The following FCHSD2 variants were observed in gnomAD, a reference collection of about 807,000 sequenced individuals.
FCHSD2 encodes the protein FCH and double SH3 domains 2.
A neutral mutation model predicts 108.1 loss-of-function variants in FCHSD2; 38 were observed. The observed-to-expected ratio is 0.35, with a 90% CI of 0.27 to 0.46. The LOEUF is 0.46. Ranked by LOEUF, FCHSD2 falls within the 20% of genes least tolerant of loss-of-function variation. FCHSD2 has a pLI of 1.00. For missense variants in FCHSD2, 751 were observed against 897.8 expected (o/e 0.84, Z 2.09); for synonymous variants, 279 against 314.7 (o/e 0.89, Z 1.20).
chr11:73,005,905 T>G (rs886709104), intron 4 of FCHSD2, among the ~76,000 whole-genome samples: 1 of 144,794 alleles, frequency 6.9e-6, no homozygotes, highest in Non-Finnish European at 1.5e-5. Flanking sequence ...TCCTAAACTT[T>G]TTTTTTTTTT....
chr11:72,937,819 G>A (rs183714081), intron 8 of FCHSD2, among the ~76,000 whole-genome samples: 2 of 152,186 alleles, frequency 1.3e-5, no homozygotes, highest in East Asian at 3.9e-4. Context: ...ACAAACATGA[G>A]GTTTAAAAAT....
intron 2 of FCHSD2, among the ~76,000 whole-genome samples, chr11:73,092,986 G>A (rs750333426): frequency 2.0e-5 from 3 of 152,172 alleles, no homozygotes; most frequent in Non-Finnish European, 4.4e-5. Flanking sequence ...AGGGGTGGGT[G>A]GGATGATGAG....
chr11:72,926,154 C>T (rs1215538933), intron 8 of FCHSD2, among the ~76,000 whole-genome samples: 3 of 152,132 alleles, frequency 2.0e-5, no homozygotes, highest in Non-Finnish European at 4.4e-5. Flanking sequence ...GGGTGGGTTC[C>T]CAGTAAGGCC....
At chr11:73,036,862 A>G (rs369215343) in intron 3 of FCHSD2, among the ~76,000 whole-genome samples, 16 of 152,210 alleles carry the variant, frequency 1.1e-4, no homozygotes, top group African/African-American at 3.6e-4. Context: ...TTTCTGTAAT[A>G]CACATATTCT....
Position 73,094,519 on chromosome 11 carries a change from T to C in FCHSD2, c.120-10779A>G, listed in dbSNP as rs542039410. On this transcript the variant is annotated intron_variant, in intron 2 of 19. Transcript: ENST00000409418. ...CAAAAACAGTCCAGTTGTCCATCAATGGGATCATGGATAAACAGTAACATA... is the reference window on the plus strand; with the variant it reads ...CAAAAACAGTCCAGTTGTCCATCAACGGGATCATGGATAAACAGTAACATA... 3.1e-3 allele frequency among the ~76,000 whole-genome samples: 467 copies of C among 152,316 alleles called. 1 individual carries two copies. The highest frequency in any genetic ancestry group is 0.011 in the African/African-American group (447 of 41,568).
At chr11:72,881,247 T>C (rs1855080815) in intron 12 of FCHSD2, among the ~76,000 whole-genome samples, 1 of 152,104 alleles carries the variant, frequency 6.6e-6, no homozygotes. Flanking sequence ...AAAGAAGACA[T>C]AATGGCCAAC....
At chr11:72,956,045 T>TGATA (rs1856704871) in intron 8 of FCHSD2, among the ~76,000 whole-genome samples, 1 of 152,062 alleles carries the variant, frequency 6.6e-6, no homozygotes, top group African/African-American at 2.4e-5. Context: ...AGAAAGTACA[T>TGATA]GATAAGCCTG....
intron 3 of FCHSD2, among the ~76,000 whole-genome samples, chr11:73,061,996 C>CT (rs1859177525): frequency 1.3e-5 from 2 of 152,130 alleles, no homozygotes; most frequent in African/African-American, 4.8e-5. Flanking sequence ...GGTCCCTGAC[C>CT]CCTGTTCCTC....
intron 2 of FCHSD2, among the ~76,000 whole-genome samples, chr11:73,102,303 G>A (rs563159377): frequency 1.1e-4 from 16 of 152,230 alleles, no homozygotes; most frequent in African/African-American, 3.9e-4. Context: ...GATAGACTCT[G>A]GGGAAATTTT....
At chr11:72,991,447 G>A (rs1478742129) in intron 5 of FCHSD2, among the ~76,000 whole-genome samples, 2 of 152,080 alleles carry the variant, frequency 1.3e-5, no homozygotes, top group South Asian at 2.1e-4. Context: ...GATGAACATC[G>A]ATGCAAAAAT....
intron 14 of FCHSD2, among the ~76,000 whole-genome samples, chr11:72,849,551 A>G (rs1861228923): frequency 6.6e-6 from 1 of 152,116 alleles, no homozygotes; most frequent in South Asian, 2.1e-4. Context: ...AGATTTGGGG[A>G]AAAAAAGAGT....
chr11:73,019,962 C>T (rs1479401736), intron 3 of FCHSD2, among the ~76,000 whole-genome samples: 1 of 152,132 alleles, frequency 6.6e-6, no homozygotes, highest in Non-Finnish European at 1.5e-5. Context: ...CACAGCACTA[C>T]TATCTAAAAT....
intron 8 of FCHSD2, among the ~76,000 whole-genome samples, chr11:72,951,853 G>A (rs1031814798): frequency 2.0e-5 from 3 of 152,096 alleles, no homozygotes; most frequent in African/African-American, 7.2e-5. Context: ...AGGAAATGAG[G>A]CTAGCGTTCA....
intron 8 of FCHSD2, among the ~76,000 whole-genome samples, chr11:72,958,867 C>G (rs1201668244): frequency 6.6e-6 from 1 of 152,184 alleles, no homozygotes. Context: ...AAAGGACATT[C>G]TAGTCTGCCA....
chr11:73,091,645 T>C (rs1431496775), intron 2 of FCHSD2, among the ~76,000 whole-genome samples: 1 of 152,240 alleles, frequency 6.6e-6, no homozygotes, highest in East Asian at 1.9e-4. Flanking sequence ...CTAAGTTTCT[T>C]AAAAGGACCA....
intron 13 of FCHSD2, among the ~76,000 whole-genome samples, chr11:72,857,232 TC>T (rs1330368778): frequency 6.6e-6 from 1 of 152,204 alleles, no homozygotes; most frequent in African/African-American, 2.4e-5. Flanking sequence ...CAGAATAATT[TC>T]TTCCTTTTTC....
intron 9 of FCHSD2, among the ~76,000 whole-genome samples, chr11:72,915,717 C>T (rs1855859115): frequency 2.6e-5 from 4 of 152,254 alleles, no homozygotes; most frequent in African/African-American, 9.6e-5. Flanking sequence ...ACTCGGGAGG[C>T]TGAGGCAGGA....
At chr11:72,911,670 C>CT (rs1210426134) in intron 9 of FCHSD2, among the ~76,000 whole-genome samples, 3 of 151,842 alleles carry the variant, frequency 2.0e-5, no homozygotes, top group Non-Finnish European at 4.4e-5. Context: ...TCCTTCCTTC[C>CT]TTTTTTATTT....
At chr11:73,118,700 T>C (rs1860661661) in intron 2 of FCHSD2, among the ~76,000 whole-genome samples, 1 of 152,200 alleles carries the variant, frequency 6.6e-6, no homozygotes, top group South Asian at 2.1e-4. Context: ...GATCAGAGAA[T>C]ATGATGATAC....
Sources: allele counts gnomAD v4.1 joint callset (sites outside exome capture counted in the v4.1 genomes callset), GRCh38; gene constraint gnomAD v4.1.1; transcripts MANE v1.5; gene names NCBI Gene and HGNC (gene_info 2026-07-23, HGNC 2026-07-21).